The following POLE3 variants were observed in gnomAD, a reference collection of about 807,000 sequenced individuals.
POLE3 encodes the protein DNA polymerase epsilon 3, accessory subunit.
POLE3 carries 10 observed loss-of-function variants against 16.1 expected under a neutral mutation model. That is an observed-to-expected ratio of 0.62 (90% CI 0.38 to 1.05). The LOEUF (loss-of-function observed/expected upper bound fraction) is 1.05. POLE3 is among the 50% of genes least tolerant of loss of function. The probability of loss-of-function intolerance (pLI) is 0.01; values close to 1 mark genes in which losing one functional copy is unlikely to be tolerated. For synonymous variants in POLE3, 83 were observed against 71.0 expected, an observed-to-expected ratio of 1.17 and a Z score of -0.85; for missense variants, 169 against 185.0, an observed-to-expected ratio of 0.91 and a Z score of 0.50.
intron 2 of POLE3, 42 bp downstream of exon 2, chr9:113,410,186 C>T (rs1284225480): frequency 1.9e-6 from 3 of 1,610,216 alleles, no homozygotes; most frequent in African/African-American, 1.3e-5. Flanking sequence ...CCAGCACCTG[C>T]TTCCCTCCTG....
chr9:113,410,238 A>G lies in POLE3; in HGVS notation c.56T>C (p.Ile19Thr), dbSNP rs1219057014. Reference sequence around the variant, plus strand: ...CCCCGAGCTGCTCACCGCCTCCTTGATGATCCTGGTGATCACGGCATTGGG... The same window carrying G: ...CCCCGAGCTGCTCACCGCCTCCTTGGTGATCCTGGTGATCACGGCATTGGG... The part of the protein sequence containing the change: ...NLPNAVITRI[I>T]KEALPDGVNI... The change falls in exon 2 of 5, where the codon ATC becomes ACC. Residue 19 changes from isoleucine to threonine, a missense_variant. Coordinates refer to ENST00000374171, the MANE Select transcript of POLE3 (RefSeq NM_017443.5). The G allele has an allele frequency of 6.2e-7, 1 of 1,613,536 alleles. No homozygotes were observed. Among genetic ancestry groups the G allele is most frequent in the Non-Finnish European group, 8.5e-7 (1 of 1,179,978 alleles).
In POLE3 at chr9:113,408,541, G is replaced by A. The variant is rs747823779; in HGVS notation, c.*270C>T. The A allele has an allele frequency of 8.5e-5, 22 of 259,908 alleles. No individual in the cohort carries two copies. The highest frequency in any genetic ancestry group is 1.3e-4 in the Non-Finnish European group (17 of 134,384). 16.1% of individuals were successfully genotyped at this position (259,908 alleles called of 1,614,324 possible). ...ACCATACATTTAAGTAAACAAAAGCGAGCAAACTGACTAATTTAGTCGTTC... is the reference window on the plus strand; with the variant it reads ...ACCATACATTTAAGTAAACAAAAGCAAGCAAACTGACTAATTTAGTCGTTC... On this transcript the variant is annotated 3_prime_UTR_variant, in exon 5 of 5. Coordinates refer to ENST00000374171, the MANE Select transcript of POLE3 (RefSeq NM_017443.5).
intron 4 of POLE3, among the ~76,000 whole-genome samples, chr9:113,409,373 A>AAAAAC (rs1554743715): frequency 3.3e-5 from 5 of 150,294 alleles, no homozygotes; most frequent in Non-Finnish European, 5.9e-5. Flanking sequence ...AAAAAAAAAA[A>AAAAAC]AAAAACAAAA....
intron 4 of POLE3, 143 bp from the exon 5 acceptor site, chr9:113,409,126 C>G (rs1295301743): frequency 1.5e-6 from 1 of 665,148 alleles, no homozygotes; most frequent in African/African-American, 1.8e-5. Context: ...CTTTGGGAGG[C>G]TGAGACGGGC....
Position 113,408,607 on chromosome 9 carries a change from G to T in POLE3, c.*204C>A. ...AAAAGGCCATAACCTTCAGATTGAT[G>T]AAGCAAAACAGGATTCTGCTACTCA... On this transcript the variant is annotated 3_prime_UTR_variant, in exon 5 of 5. Transcript: ENST00000374171. The T allele has an allele frequency of 2.1e-6, 1 of 474,440 alleles. No individual in the cohort carries two copies. The highest frequency in any genetic ancestry group is 3.8e-6 in the Non-Finnish European group (1 of 262,984). The allele number at this position is 474,440 out of a possible 1,614,324, so 29.4% of individuals were successfully genotyped here.
intron 4 of POLE3, among the ~76,000 whole-genome samples, 198 bp downstream of exon 4, chr9:113,409,412 G>A (rs1454064370): frequency 4.0e-5 from 6 of 150,984 alleles, no homozygotes; most frequent in Admixed American, 2.6e-4. Context: ...AAACAAAAAC[G>A]GAGGCAGAGA....
chr9:113,408,156 T>A lies in POLE3; in HGVS notation c.*655A>T, dbSNP rs1827977496. The A allele has an allele frequency of 6.6e-6, 1 of 152,284 alleles. No individual in the cohort carries two copies. Among genetic ancestry groups the A allele is most frequent in the African/African-American group, 2.4e-5 (1 of 41,436 alleles). 9.4% of individuals were successfully genotyped at this position (152,284 alleles called of 1,614,324 possible). ...CACACTGCTGATTTAAGAATATCTG[T>A]GATCAGATTACTACCACACCAGCAG... On this transcript the variant is annotated 3_prime_UTR_variant, in exon 5 of 5. Transcript: ENST00000374171.
chr9:113,409,052 T>A lies in POLE3; in HGVS notation c.272-69A>T. On this transcript the variant is annotated intron_variant, in intron 4 of 4. Coordinates refer to ENST00000374171, the MANE Select transcript of POLE3 (RefSeq NM_017443.5). ...AGCCAGACGGACTGCAGGAGCTAAT[T>A]ACATTGTACAATTGGAAAAACGGAG... 2.8e-6 allele frequency: 4 copies of A among 1,429,304 alleles called. No homozygotes were observed. In the South Asian group the frequency reaches 4.8e-5, roughly 17 times the overall value. 88.5% of individuals were successfully genotyped at this position (1,429,304 alleles called of 1,614,324 possible). A position where few individuals can be genotyped will look rare whatever the true frequency, so the allele number is the denominator to read the frequency against.
intron 1 of POLE3, 48 bp downstream of exon 1, chr9:113,410,569 G>C (rs1828087212): frequency 1.9e-6 from 1 of 537,856 alleles, no homozygotes; most frequent in Non-Finnish European, 3.3e-6. Context: ...CCCCTCCCCA[G>C]GTCCATTTCT....
chr9:113,409,813 G>A (rs1049627771), intron 3 of POLE3, 85 bp from the exon 4 acceptor site: 5 of 937,274 alleles, frequency 5.3e-6, no homozygotes, highest in Admixed American at 1.8e-5. Flanking sequence ...GAACGGGAAA[G>A]CCTGCCTCTT....
rs567063548 is a variant in POLE3, at chr9:113,407,864, GGAGA to G, written c.*943_*946del. The G allele has an allele frequency of 1.3e-5, 2 of 152,832 alleles. No individual in the cohort carries two copies. The highest frequency in any genetic ancestry group is 4.8e-5 in the African/African-American group (2 of 41,434). The allele number at this position is 152,832 out of a possible 1,614,324, so 9.5% of individuals were successfully genotyped here. On this transcript the variant is annotated 3_prime_UTR_variant, in exon 5 of 5. Transcript: ENST00000374171. ...TGGGATGGGGAGCAGAGGAGAGGCAGGAGAGAGAAAGGAAGCAGGAGGCACAGAG... is the reference window on the plus strand; with the variant it reads ...TGGGATGGGGAGCAGAGGAGAGGCAGGAGAAAGGAAGCAGGAGGCACAGAG...
Position 113,408,571 on chromosome 9 carries a change from T to G in POLE3, c.*240A>C, listed in dbSNP as rs1827985076. On this transcript the variant is annotated 3_prime_UTR_variant, in exon 5 of 5. Transcript: ENST00000374171. ...AACTGACTAATTTAGTCGTTCAGAA[T>G]CCCTCTTGTCAAAAGGCCATAACCT... The G allele has an allele frequency of 8.4e-6, 3 of 357,440 alleles. No individual in the cohort carries two copies. The highest frequency in any genetic ancestry group is 1.5e-5 in the Non-Finnish European group (3 of 194,058). 22.1% of individuals were successfully genotyped at this position (357,440 alleles called of 1,614,324 possible). A position where few individuals can be genotyped will look rare whatever the true frequency, so the allele number is the denominator to read the frequency against.
In POLE3 at chr9:113,408,423, G is replaced by C; in HGVS notation, c.*388C>G. The C allele has an allele frequency of 6.1e-6, 1 of 163,626 alleles. No homozygotes were observed. The highest frequency in any genetic ancestry group is 1.3e-5 in the Non-Finnish European group (1 of 74,548). 10.1% of individuals were successfully genotyped at this position (163,626 alleles called of 1,614,324 possible). A position where few individuals can be genotyped will look rare whatever the true frequency, so the allele number is the denominator to read the frequency against. ...AAGCCCCAGTTTTTCCTGAGCCTTG[G>C]CTGCCTCTGTGATCTGGAACACAGC... is the stretch of plus-strand genomic sequence containing the variant. On this transcript the variant is annotated 3_prime_UTR_variant, in exon 5 of 5. Coordinates refer to ENST00000374171, the MANE Select transcript of POLE3 (RefSeq NM_017443.5).
At position 113,408,321 on chromosome 9, in the gene POLE3, G is replaced by A. The variant is rs1298466380; in HGVS notation, c.*490C>T. 6.6e-6 allele frequency: 1 copy of A among 152,378 alleles called. No homozygotes were observed. The highest frequency in any genetic ancestry group is 1.5e-5 in the Non-Finnish European group (1 of 68,152). The allele number at this position is 152,378 out of a possible 1,614,324, so 9.4% of individuals were successfully genotyped here. ...CACAGCATTTTAGTAGTTTCCTAAA[G>A]CTTACTCATTCTGAGCAGTCTTAGT... On this transcript the variant is annotated 3_prime_UTR_variant, in exon 5 of 5. Transcript: ENST00000374171.
Position 113,410,337 on chromosome 9 carries a change from G to C in POLE3, c.-44C>G, listed in dbSNP as rs1211332878. 6.4e-7 allele frequency: 1 copy of C among 1,573,120 alleles called. No individual in the cohort carries two copies. Among genetic ancestry groups the C allele is most frequent in the Admixed American group, 1.7e-5 (1 of 58,264 alleles). On this transcript the variant is annotated 5_prime_UTR_variant, in exon 2 of 5. Coordinates refer to ENST00000374171, the MANE Select transcript of POLE3 (RefSeq NM_017443.5). ...AACTCCCCTTCGCCTCCGCTTCAGG[G>C]AGCTACTGCGTCCGGACTTCCCGCG...
rs578064631 is a variant in POLE3, at chr9:113,410,138, G to A, written c.69C>T (p.Leu23=). 14 of 1,600,020 alleles carry A rather than the reference G, an allele frequency of 8.7e-6. No individual in the cohort carries two copies. In the East Asian group the frequency reaches 2.7e-4, roughly 31 times the overall value. ...AVITRIIKEA[L]PDGVNISKEA... Reference sequence around the variant, plus strand: ...CCTTGGAGATGTTGACACCGTCCGGGAGCTGCGAGGAGACCGGGGGTGAGC... The same window carrying A: ...CCTTGGAGATGTTGACACCGTCCGGAAGCTGCGAGGAGACCGGGGGTGAGC... The change falls in exon 3 of 5, where the codon CTC becomes CTT. Residue 23 remains leucine, a splice_region_variant and synonymous_variant. Coordinates refer to ENST00000374171, the MANE Select transcript of POLE3 (RefSeq NM_017443.5).
At position 113,407,751 on chromosome 9, in the gene POLE3, G is replaced by A. The variant is rs1470761388; in HGVS notation, c.*1060C>T. ...TGAGATTAGAACTAAGGAATCAAGA[G>A]ATCAGAGGAACTCACACTTTGGAGT... On this transcript the variant is annotated 3_prime_UTR_variant, in exon 5 of 5. Coordinates refer to ENST00000374171, the MANE Select transcript of POLE3 (RefSeq NM_017443.5). 6.6e-6 allele frequency: 1 copy of A among 152,418 alleles called. No homozygotes were observed. The highest frequency in any genetic ancestry group is 2.4e-5 in the African/African-American group (1 of 41,422). The allele number at this position is 152,418 out of a possible 1,614,324, so 9.4% of individuals were successfully genotyped here. A position where few individuals can be genotyped will look rare whatever the true frequency, so the allele number is the denominator to read the frequency against.
intron 3 of POLE3, 134 bp from the exon 4 acceptor site, chr9:113,409,862 C>T (rs1413652760): frequency 9.1e-6 from 7 of 767,334 alleles, no homozygotes; most frequent in African/African-American, 3.5e-5. Context: ...TAAGTCCTTC[C>T]CTTCTCTGCA....
rs755050516 is a variant in POLE3, at chr9:113,409,698, C to T, written c.183G>A (p.Arg61=). 5 of 1,613,276 alleles carry T rather than the reference C, an allele frequency of 3.1e-6. No homozygotes were observed. In the South Asian group the frequency reaches 3.3e-5, roughly 11 times the overall value. ...CANNFAMKGK[R]KTLNASDVLS... is the part of the protein sequence containing the mutation. ...GCACATCACTGGCATTCAGCGTCTT[C>T]CGCTTTCCTTTCATTGCAAAGTTGT... Residue 61 remains arginine (R), a synonymous_variant, in exon 4 of 5, where the codon CGG becomes CGA. Transcript: ENST00000374171.
Sources: allele counts gnomAD v4.1 joint callset (sites outside exome capture counted in the v4.1 genomes callset), GRCh38; gene constraint gnomAD v4.1.1; transcripts MANE v1.5; gene names NCBI Gene and HGNC (gene_info 2026-07-23, HGNC 2026-07-21).